Variants in MCTP1 observed in about 807,000 individuals in gnomAD.
MCTP1 encodes the protein multiple C2 and transmembrane domain containing 1, also known as multiple C2 and transmembrane domain-containing protein 1.
A neutral mutation model predicts 120.6 loss-of-function variants in MCTP1; 69 were observed. The ratio of observed to expected loss-of-function variants is 0.57; its 90% confidence interval spans 0.47 to 0.70. The LOEUF is 0.70. MCTP1 is among the 30% of genes least tolerant of loss of function. MCTP1 has a pLI of 0.00. For synonymous variants in MCTP1, 529 were observed against 493.1 expected (o/e 1.07, Z -0.96); for missense variants, 1,203 against 1,248.8 (o/e 0.96, Z 0.55).
intron 5 of MCTP1, among the ~76,000 whole-genome samples, chr5:94,938,107 C>T (rs1464285666): frequency 6.6e-6 from 1 of 152,016 alleles, no homozygotes; most frequent in African/African-American, 2.4e-5. Flanking sequence ...TTTGCCATGG[C>T]CTCCTAATTG....
intron 19 of MCTP1, among the ~76,000 whole-genome samples, chr5:94,752,110 TATATATATATATA>T (rs907064208): frequency 3.7e-5 from 1 of 26,918 alleles, no homozygotes; most frequent in African/African-American, 5.6e-4. Flanking sequence ...AATAATAAAA[TATATATATATATA>T]TATATATATA....
intron 17 of MCTP1, among the ~76,000 whole-genome samples, chr5:94,841,650 AT>A (rs1230212716): frequency 1.3e-5 from 2 of 152,192 alleles, no homozygotes; most frequent in African/African-American, 4.8e-5. Context: ...ATATAGATAC[AT>A]TTTTATGCAT....
In MCTP1 at chr5:95,023,428, A is replaced by G. The variant is rs1352634088; in HGVS notation, c.721-5944T>C. On this transcript the variant is annotated intron_variant, in intron 1 of 22. Transcript: ENST00000515393. Reference sequence around the variant, plus strand: ...TTGAGAGTTTGAAGAGATTCTATCAACTGAATTTGCCAACTGACAAGATGT... The same window carrying G: ...TTGAGAGTTTGAAGAGATTCTATCAGCTGAATTTGCCAACTGACAAGATGT... Among the ~76,000 whole-genome samples the G allele has an allele frequency of 1.6e-4, 25 of 152,242 alleles. 1 individual carries two copies. The highest frequency in any genetic ancestry group is 1.6e-3 in the Admixed American group (25 of 15,276).
At chr5:95,171,676 G>A (rs1057157466) in intron 1 of MCTP1, among the ~76,000 whole-genome samples, 2 of 151,900 alleles carry the variant, frequency 1.3e-5, no homozygotes, top group Non-Finnish European at 2.9e-5. Flanking sequence ...TCCATCGCTG[G>A]TACCCTTTCT....
chr5:94,927,119 A>G (rs17084306), intron 6 of MCTP1, among the ~76,000 whole-genome samples: 4,860 of 152,268 alleles, frequency 0.032, 185 homozygotes, highest in African/African-American at 0.087. Context: ...GCAAGGAAAA[A>G]CCATCTCAAC....
intron 19 of MCTP1, among the ~76,000 whole-genome samples, chr5:94,775,393 G>A (rs909152362): frequency 3.3e-5 from 5 of 152,140 alleles, no homozygotes; most frequent in African/African-American, 1.2e-4. Flanking sequence ...TCTAGATTAT[G>A]CAGACTGACC....
rs370232704 is a variant in MCTP1 at position 94,885,805 on chromosome 5, T to G, written c.1933+3074A>C. On this transcript the variant is annotated intron_variant, in intron 12 of 22. Coordinates refer to ENST00000515393, the MANE Select transcript of MCTP1 (RefSeq NM_024717.7). ...AGAGGTATTTTTCAGTGACTCAAAT[T>G]TTTTCCCTTACGAAGAATTTAGCTG... 3.7e-4 allele frequency among the ~76,000 whole-genome samples: 57 copies of G among 152,154 alleles called. 1 individual carries two copies. The East Asian group carries it at 7.1e-3, about 19-fold the overall frequency.
At chr5:95,195,613 C>T (rs545151982) in intron 1 of MCTP1, among the ~76,000 whole-genome samples, 1 of 152,162 alleles carries the variant, frequency 6.6e-6, no homozygotes, top group South Asian at 2.1e-4. Flanking sequence ...AATTTGACAG[C>T]CAGTCACCAT....
intron 2 of MCTP1, among the ~76,000 whole-genome samples, chr5:95,015,948 A>T (rs1446568052): frequency 2.0e-5 from 3 of 152,126 alleles, no homozygotes; most frequent in Non-Finnish European, 2.9e-5. Context: ...TATAACTGAG[A>T]GTACTTTGAA....
intron 1 of MCTP1, among the ~76,000 whole-genome samples, chr5:95,219,489 G>A (rs750133400): frequency 6.6e-6 from 1 of 151,958 alleles, no homozygotes; most frequent in Non-Finnish European, 1.5e-5. Context: ...GTATCTATGA[G>A]GCTAATCAGA....
At chr5:95,075,991 A>G (rs6860673) in intron 1 of MCTP1, among the ~76,000 whole-genome samples, 141,730 of 152,250 alleles carry the variant, frequency 0.93, 66,367 homozygotes, top group Non-Finnish European at 0.98. Flanking sequence ...AAAGTACAGT[A>G]GTCCCCTTGT....
intron 11 of MCTP1, among the ~76,000 whole-genome samples, chr5:94,892,674 A>C (rs933510871): frequency 3.3e-5 from 5 of 152,190 alleles, no homozygotes; most frequent in African/African-American, 9.7e-5. Context: ...TTCATATCAG[A>C]GTGGGGGCAA....
chr5:94,768,527 A>G (rs957427615), intron 19 of MCTP1, among the ~76,000 whole-genome samples: 3 of 152,124 alleles, frequency 2.0e-5, no homozygotes, highest in African/African-American at 7.2e-5. Flanking sequence ...AAGAACTCAA[A>G]CAACTCAACT....
chr5:95,207,948 G>GGGA (rs1751831616), intron 1 of MCTP1, among the ~76,000 whole-genome samples: 2 of 39,062 alleles, frequency 5.1e-5, no homozygotes, highest in African/African-American at 1.8e-4. Context: ...AGAGAGAGAG[G>GGGA]GAGAGAGAGG....
intron 3 of MCTP1, among the ~76,000 whole-genome samples, chr5:94,952,897 T>C (rs962520353): frequency 6.6e-6 from 1 of 152,164 alleles, no homozygotes; most frequent in East Asian, 1.9e-4. Context: ...TCTGTGTAAG[T>C]TCTCCTTTCT....
At chr5:95,133,667 A>C (rs567409052) in intron 1 of MCTP1, among the ~76,000 whole-genome samples, 1 of 152,334 alleles carries the variant, frequency 6.6e-6, no homozygotes, top group Non-Finnish European at 1.5e-5. Context: ...AAAATAAATA[A>C]ATAAAATAAA....
chr5:94,903,489 A>G (rs1374124739), intron 10 of MCTP1, among the ~76,000 whole-genome samples: 1 of 152,238 alleles, frequency 6.6e-6, no homozygotes, highest in East Asian at 1.9e-4. Flanking sequence ...TCTTCTCTTC[A>G]GCATTAGAGA....
intron 1 of MCTP1, among the ~76,000 whole-genome samples, chr5:95,213,429 C>T (rs1027679406): frequency 2.0e-5 from 3 of 152,188 alleles, no homozygotes; most frequent in African/African-American, 7.2e-5. Context: ...GTGAAAATGG[C>T]CATACTGCCC....
At chr5:95,095,895 GCC>G (rs1249441509) in intron 1 of MCTP1, among the ~76,000 whole-genome samples, 2 of 152,104 alleles carry the variant, frequency 1.3e-5, no homozygotes, top group Admixed American at 6.5e-5. Context: ...ATGAGGGGAG[GCC>G]CAGAAGGCAG....
Sources: allele counts gnomAD v4.1 joint callset (sites outside exome capture counted in the v4.1 genomes callset), GRCh38; gene constraint gnomAD v4.1.1; transcripts MANE v1.5; gene names NCBI Gene and HGNC (gene_info 2026-07-23, HGNC 2026-07-21).